Variants in TJP1 observed in about 807,000 individuals in gnomAD.
TJP1 encodes the protein tight junction protein 1.
TJP1 carries 43 observed loss-of-function variants against 194.2 expected under a neutral mutation model. That is an observed-to-expected ratio of 0.22 (90% CI 0.17 to 0.29). TJP1 has a LOEUF of 0.29. Among genes scored for constraint, TJP1 ranks in the 10% least tolerant of loss-of-function variants. TJP1 has a pLI of 1.00. For missense variants in TJP1, 1,971 were observed against 2,185.7 expected, an observed-to-expected ratio of 0.90 and a Z score of 1.96; for synonymous variants, 801 against 779.0, an observed-to-expected ratio of 1.03 and a Z score of -0.47.
At chr15:29,745,377 A>T (rs974313216) in intron 8 of TJP1, among the ~76,000 whole-genome samples, 1 of 152,074 alleles carries the variant, frequency 6.6e-6, no homozygotes, top group South Asian at 2.1e-4. Flanking sequence ...TTAATTACAT[A>T]AAAAAATCTT....
intron 2 of TJP1, among the ~76,000 whole-genome samples, chr15:29,849,827 G>C (rs1243012928): frequency 1.3e-5 from 2 of 151,648 alleles, no homozygotes; most frequent in Non-Finnish European, 2.9e-5. Flanking sequence ...CACCTACCTC[G>C]GTCTTCCAAA....
chr15:29,716,234 A>G (rs1163849483), intron 23 of TJP1, among the ~76,000 whole-genome samples: 1 of 152,220 alleles, frequency 6.6e-6, no homozygotes, highest in African/African-American at 2.4e-5. Flanking sequence ...TCCCTCAAAC[A>G]GGATCCTCCT....
At chr15:29,919,296 G>A (rs890873894) in intron 2 of TJP1, among the ~76,000 whole-genome samples, 1 of 152,190 alleles carries the variant, frequency 6.6e-6, no homozygotes, top group African/African-American at 2.4e-5. Context: ...AGGCCCAGAG[G>A]GCATTAGGTT....
intron 1 of TJP1, among the ~76,000 whole-genome samples, chr15:29,959,020 C>T (rs1026783883): frequency 4.7e-5 from 7 of 149,654 alleles, no homozygotes; most frequent in African/African-American, 1.7e-4. Context: ...GTCGGAGTCT[C>T]GCTGTGCCTC....
chr15:29,730,539 G>A (rs1204209920), intron 15 of TJP1, among the ~76,000 whole-genome samples: 1 of 151,812 alleles, frequency 6.6e-6, no homozygotes, highest in Non-Finnish European at 1.5e-5. Context: ...TGGGACTACA[G>A]TGAGCAATGA....
chr15:29,819,251 G>C (rs2050158913), intron 1 of TJP1, among the ~76,000 whole-genome samples: 1 of 151,974 alleles, frequency 6.6e-6, no homozygotes. Context: ...ATAACCAATA[G>C]TCCTAGCACC....
rs1463403036 is a variant in TJP1 at position 29,719,074 on chromosome 15, G to T, written c.3068C>A (p.Ala1023Asp). ...MRQNHVLKQP[A>D]VSHPGHRPDK... ...TGGCCTGTGCCCTGGGTGACTAACG[G>T]CTGGCTGTTTCAAAACATGGTTCTG... Residue 1023 changes from alanine to aspartate, a missense_variant, in exon 21 of 28, where the codon GCC becomes GAC. Ala to Asp is a moderately radical substitution (Grantham distance 126, BLOSUM62 -2). Around this residue, in one of 5 missense-constraint regions of TJP1, gnomAD observed 1,108 missense variants for 1,128.5 expected, o/e 0.98. Coordinates refer to ENST00000614355, the MANE Select transcript of TJP1 (RefSeq NM_001330239.4). The T allele has an allele frequency of 6.2e-6, 10 of 1,614,134 alleles. No individual in the cohort carries two copies. The Middle Eastern group carries it at 6.6e-4, about 107-fold the overall frequency.
chr15:29,740,628 T>C (rs2044349320), intron 10 of TJP1, among the ~76,000 whole-genome samples: 2 of 151,804 alleles, frequency 1.3e-5, no homozygotes, highest in East Asian at 1.9e-4. Context: ...CAAGACCCTG[T>C]TTAAAAAAAA....
At chr15:29,713,085 C>T (rs1191212465) in intron 23 of TJP1, among the ~76,000 whole-genome samples, 1 of 152,178 alleles carries the variant, frequency 6.6e-6, no homozygotes, top group Non-Finnish European at 1.5e-5. Flanking sequence ...TGATGTCTCA[C>T]AAACACAAAA....
In TJP1 at chr15:29,726,455, T is replaced by A. The variant is rs746413704; in HGVS notation, c.2336A>T (p.Asn779Ile). 1 of 1,614,134 alleles carries A rather than the reference T, an allele frequency of 6.2e-7. No homozygotes were observed. Among genetic ancestry groups the A allele is most frequent in the Non-Finnish European group, 8.5e-7 (1 of 1,179,988 alleles). ...FTTTINLNSM[N>I]DGWYGALKEA... ...TTTCAGCGCACCATACCAACCATCA[T>A]TCATTGAATTTAAGTTAATTGTAGC... Residue 779 changes from asparagine (N) to isoleucine (I), a missense_variant, in exon 18 of 28, where the codon AAT becomes ATT. Physicochemically the swap from Asn to Ile is moderately radical, Grantham distance 149. This residue lies in a region of TJP1 where 402 missense variants were observed against 484.2 expected (regional missense o/e 0.83). Coordinates refer to ENST00000614355, the MANE Select transcript of TJP1 (RefSeq NM_001330239.4).
chr15:29,750,567 G>C (rs2045203914), intron 8 of TJP1, among the ~76,000 whole-genome samples: 1 of 152,096 alleles, frequency 6.6e-6, no homozygotes, highest in Non-Finnish European at 1.5e-5. Flanking sequence ...TCTGTCTCCT[G>C]ATTGATAAGA....
intron 1 of TJP1, among the ~76,000 whole-genome samples, chr15:29,803,078 C>A (rs746748851): frequency 6.6e-5 from 10 of 152,100 alleles, no homozygotes; most frequent in Non-Finnish European, 1.2e-4. Flanking sequence ...GGAATAAAGG[C>A]TCAAAGGATA....
intron 23 of TJP1, among the ~76,000 whole-genome samples, chr15:29,713,601 C>T (rs777487373): frequency 6.6e-6 from 1 of 152,164 alleles, no homozygotes; most frequent in Non-Finnish European, 1.5e-5. Flanking sequence ...TAGTGACAAA[C>T]AGTAAATGGT....
At chr15:29,707,426 A>AG (rs2041966690) in intron 25 of TJP1, among the ~76,000 whole-genome samples, 1 of 152,184 alleles carries the variant, frequency 6.6e-6, no homozygotes, top group African/African-American at 2.4e-5. Flanking sequence ...CCTGAGCTGC[A>AG]GAGCAGAGGC....
intron 2 of TJP1, among the ~76,000 whole-genome samples, chr15:29,889,963 T>C (rs1317517078): frequency 6.6e-6 from 1 of 152,160 alleles, no homozygotes; most frequent in Non-Finnish European, 1.5e-5. Context: ...GCAAAACAAT[T>C]TTAATTTCTT....
At chr15:29,867,873 T>C (rs554948310) in intron 2 of TJP1, among the ~76,000 whole-genome samples, 6 of 152,044 alleles carry the variant, frequency 3.9e-5, no homozygotes, top group East Asian at 1.9e-4. Flanking sequence ...CTGGACAACA[T>C]AGCAAGACCT....
intron 1 of TJP1, among the ~76,000 whole-genome samples, chr15:29,957,695 T>C (rs2152315785): frequency 1.3e-5 from 2 of 152,322 alleles, no homozygotes; most frequent in South Asian, 4.1e-4. Context: ...CCTATGTTTG[T>C]TACCAAACCA....
intron 4 of TJP1, among the ~76,000 whole-genome samples, chr15:29,767,519 A>C (rs16955758): frequency 0.077 from 11,725 of 152,130 alleles, 478 homozygotes; most frequent in Non-Finnish European, 0.085. Context: ...TTGACCCCTC[A>C]ATCATCTGCC....
chr15:29,839,417 G>T (rs1194729976), intron 2 of TJP1, among the ~76,000 whole-genome samples: 1 of 152,136 alleles, frequency 6.6e-6, no homozygotes, highest in Non-Finnish European at 1.5e-5. Context: ...CAAGGTAAGA[G>T]GATCACTTGA....
Sources: allele counts gnomAD v4.1 joint callset (sites outside exome capture counted in the v4.1 genomes callset), GRCh38; gene constraint gnomAD v4.1.1; regional missense constraint gnomAD v4.1.1; transcripts MANE v1.5; gene names NCBI Gene and HGNC (gene_info 2026-07-23, HGNC 2026-07-21).